Variants in DYM observed in about 807,000 individuals in gnomAD.
DYM encodes the protein dyggve-Melchior-Clausen syndrome protein.
DYM carries 78 observed loss-of-function variants against 93.1 expected under a neutral mutation model. That is an observed-to-expected ratio of 0.84 (90% CI 0.70 to 1.01). DYM has a LOEUF of 1.01. Among genes scored for constraint, DYM ranks in the 50% least tolerant of loss-of-function variants. The pLI is 0.00. For synonymous variants in DYM, 321 were observed against 319.7 expected, an observed-to-expected ratio of 1.00 and a Z score of -0.04; for missense variants, 789 against 845.0, an observed-to-expected ratio of 0.93 and a Z score of 0.82.
intron 17 of DYM, among the ~76,000 whole-genome samples, chr18:49,064,416 A>C (rs1193167327): frequency 1.3e-5 from 2 of 152,220 alleles, no homozygotes; most frequent in Non-Finnish European, 2.9e-5. Context: ...TTTGAAGTAA[A>C]CGTGCAAAAA....
At chr18:49,082,533 G>A (rs1163597685) in intron 17 of DYM, among the ~76,000 whole-genome samples, 1 of 152,092 alleles carries the variant, frequency 6.6e-6, no homozygotes, top group African/African-American at 2.4e-5. Flanking sequence ...ATGCTATAGG[G>A]TGACATAAAC....
At chr18:49,214,396 T>C (rs150014124) in intron 13 of DYM, among the ~76,000 whole-genome samples, 37 of 152,274 alleles carry the variant, frequency 2.4e-4, no homozygotes, top group African/African-American at 8.7e-4. Flanking sequence ...TAATGCCTGA[T>C]GATCTGATCT....
chr18:49,261,350 A>G (rs574573566), intron 11 of DYM, among the ~76,000 whole-genome samples: 8 of 152,350 alleles, frequency 5.3e-5, no homozygotes, highest in African/African-American at 1.7e-4. Flanking sequence ...TGGTGGTTAA[A>G]TATTATTTAG....
intron 15 of DYM, among the ~76,000 whole-genome samples, chr18:49,146,114 T>C (rs986273316): frequency 3.3e-5 from 5 of 152,178 alleles, no homozygotes; most frequent in African/African-American, 1.2e-4. Context: ...TCCCTTTCTT[T>C]ATATCCAGGG....
chr18:49,289,629 T>C (rs1281259920), intron 8 of DYM, among the ~76,000 whole-genome samples: 1 of 148,030 alleles, frequency 6.8e-6, no homozygotes, highest in African/African-American at 2.5e-5. Context: ...GAGGATCACT[T>C]GAGCCCAGGA....
At chr18:49,451,576 T>C (rs1379610351) in intron 1 of DYM, among the ~76,000 whole-genome samples, 1 of 152,240 alleles carries the variant, frequency 6.6e-6, no homozygotes, top group East Asian at 1.9e-4. Flanking sequence ...AAACCCATGC[T>C]GGGCTCAGCT....
intron 15 of DYM, among the ~76,000 whole-genome samples, chr18:49,147,869 T>G (rs2085337985): frequency 6.6e-6 from 1 of 152,198 alleles, no homozygotes; most frequent in Non-Finnish European, 1.5e-5. Flanking sequence ...GTATAAAACA[T>G]GCTGCTATAA....
At chr18:49,339,559 G>T (rs2063933549) in intron 6 of DYM, among the ~76,000 whole-genome samples, 1 of 152,114 alleles carries the variant, frequency 6.6e-6, no homozygotes, top group African/African-American at 2.4e-5. Flanking sequence ...AGCCAGTGAG[G>T]AACTGAGGTC....
chr18:49,119,357 A>G (rs1166906477), intron 15 of DYM, among the ~76,000 whole-genome samples: 1 of 152,170 alleles, frequency 6.6e-6, no homozygotes, highest in East Asian at 1.9e-4. Context: ...CTACACTGTC[A>G]TTTCAGTCTT....
intron 2 of DYM, among the ~76,000 whole-genome samples, chr18:49,414,039 T>G (rs550668913): frequency 6.6e-5 from 10 of 152,040 alleles, no homozygotes; most frequent in African/African-American, 2.2e-4. Context: ...AAAGAAAGCA[T>G]TATGCTACAT....
At chr18:49,356,447 G>T (rs1279676640) in intron 6 of DYM, among the ~76,000 whole-genome samples, 9 of 152,106 alleles carry the variant, frequency 5.9e-5, no homozygotes, top group African/African-American at 1.9e-4. Flanking sequence ...CATTCAGAAA[G>T]CTATACTGGA....
At chr18:49,095,235 G>A (rs2079437442) in intron 17 of DYM, among the ~76,000 whole-genome samples, 1 of 152,178 alleles carries the variant, frequency 6.6e-6, no homozygotes. Flanking sequence ...AAACTCTAGA[G>A]ATTTTAAGTG....
chr18:49,411,860 T>A (rs2072286305), intron 2 of DYM: 1 of 152,076 alleles, frequency 6.6e-6, no homozygotes, highest in South Asian at 2.1e-4. Flanking sequence ...CAAGTAACGA[T>A]TCAGGAAAGG....
At chr18:49,321,455 T>C in intron 8 of DYM, 1 of 397,652 alleles carries the variant, frequency 2.5e-6, no homozygotes, top group Non-Finnish European at 4.4e-6. Flanking sequence ...TTAAAAGTGG[T>C]TGTCAGCAAA....
At chr18:49,227,862 C>G (rs1166350680) in intron 13 of DYM, among the ~76,000 whole-genome samples, 1 of 151,898 alleles carries the variant, frequency 6.6e-6, no homozygotes, top group Non-Finnish European at 1.5e-5. Flanking sequence ...TTTGCACCTG[C>G]TGCTGACTAT....
Position 49,376,922 on chromosome 18 carries a change from A to C in DYM, c.421+1645T>G, listed in dbSNP as rs1272162468. On this transcript the variant is annotated intron_variant, in intron 5 of 17. Coordinates refer to ENST00000675505, the MANE Select transcript of DYM (RefSeq NM_001353214.3). The stretch of plus-strand genomic sequence containing the variant: ...CTCCAAAACCGTTTCCTGATCTTGA[A>C]AGAGGCCATAAGGAGCCTAAAGAAG... Among the ~76,000 whole-genome samples the C allele has an allele frequency of 2.6e-5, 4 of 152,340 alleles. No individual in the cohort carries two copies. In the East Asian group the frequency reaches 7.7e-4, roughly 29 times the overall value.
At chr18:49,412,773 GAAGA>G (rs1238754820) in intron 2 of DYM, among the ~76,000 whole-genome samples, 1 of 152,164 alleles carries the variant, frequency 6.6e-6, no homozygotes, top group Non-Finnish European at 1.5e-5. Context: ...AAGATTCAAA[GAAGA>G]AAGTAATTTT....
intron 13 of DYM, among the ~76,000 whole-genome samples, chr18:49,223,268 C>A (rs373290437): frequency 3.3e-5 from 5 of 152,202 alleles, no homozygotes; most frequent in African/African-American, 4.8e-5. Flanking sequence ...GGGTACTGCA[C>A]AACTTTTTTC....
chr18:49,089,567 T>C (rs1032362906), intron 17 of DYM, among the ~76,000 whole-genome samples: 5 of 152,196 alleles, frequency 3.3e-5, no homozygotes, highest in African/African-American at 1.2e-4. Context: ...GGGCAGGGAA[T>C]TGAAGAAAAC....
Sources: gnomAD v4.1 joint callset for allele counts (sites outside exome capture counted in the v4.1 genomes callset) on GRCh38, gnomAD v4.1.1 for gene constraint, MANE v1.5 for transcripts, NCBI Gene and HGNC (gene_info 2026-07-23, HGNC 2026-07-21) for gene names.